Variants in HBP1 observed in about 807,000 individuals in gnomAD.
The protein encoded by HBP1 is HMG box-containing protein 1.
A neutral mutation model predicts 62.6 loss-of-function variants in HBP1; 20 were observed. The observed-to-expected ratio is 0.32, with a 90% CI of 0.22 to 0.46. The LOEUF (loss-of-function observed/expected upper bound fraction) is 0.46, where lower values mean the gene tolerates loss of function less well. HBP1 is among the 20% of genes least tolerant of loss of function. The pLI, the probability that HBP1 is intolerant of heterozygous loss-of-function variation, is 1.00. For synonymous variants in HBP1, 232 were observed against 206.2 expected, an observed-to-expected ratio of 1.12 and a Z score of -1.07; for missense variants, 480 against 611.8, an observed-to-expected ratio of 0.78 and a Z score of 2.27.
chr7:107,170,616 G>A (rs1395512737), intron 1 of HBP1, among the ~76,000 whole-genome samples: 1 of 152,082 alleles, frequency 6.6e-6, no homozygotes, highest in Non-Finnish European at 1.5e-5. Flanking sequence ...TTGAGGAGCC[G>A]TTTAACCACT....
chr7:107,194,821 T>C (rs1367096604), intron 8 of HBP1, among the ~76,000 whole-genome samples: 1 of 152,224 alleles, frequency 6.6e-6, no homozygotes, highest in African/African-American at 2.4e-5. Context: ...GAGTTAATGC[T>C]GGAACAAAAG....
chr7:107,180,159 G>T (rs1337412619), intron 2 of HBP1, 97 bp downstream of exon 2: 1 of 641,936 alleles, frequency 1.6e-6, no homozygotes, highest in Admixed American at 2.6e-5. Context: ...GGCTAGAAAG[G>T]GATATGAAGT....
chr7:107,174,482 G>A, intron 1 of HBP1: 2 of 985,390 alleles, frequency 2.0e-6, no homozygotes, highest in South Asian at 9.4e-5. Flanking sequence ...CTAAGACAAA[G>A]TGCTGAAGAA....
At chr7:107,185,388 T>G (rs1797304558) in intron 3 of HBP1, among the ~76,000 whole-genome samples, 1 of 152,140 alleles carries the variant, frequency 6.6e-6, no homozygotes, top group Admixed American at 6.5e-5. Context: ...CAGAGTTGGT[T>G]ACACTAAGCT....
chr7:107,180,672 C>CTGGGGAGAAGATACAGCTGTCT (rs2115847258), intron 2 of HBP1, among the ~76,000 whole-genome samples: 2 of 152,196 alleles, frequency 1.3e-5, no homozygotes, highest in South Asian at 4.2e-4. Context: ...TATAAAAACC[C>CTGGGGAGAAGATACAGCTGTCT]TGGGGAGAAG....
intron 1 of HBP1, among the ~76,000 whole-genome samples, chr7:107,171,073 A>ATATATATATATTTTTTTTTTT: frequency 2.3e-5 from 2 of 87,194 alleles, no homozygotes; most frequent in African/African-American, 1.3e-4. Context: ...ATATATATAT[A>ATATATATATATTTTTTTTTTT]TTTTTTTTTT....
At position 107,169,841 on chromosome 7, in the gene HBP1, G is replaced by C. The variant is rs147847983; in HGVS notation, c.-16+656G>C. The C allele has an allele frequency of 4.1e-6, 4 of 985,304 alleles. No individual in the cohort carries two copies. The African/African-American group carries it at 7.0e-5, about 17-fold the overall frequency. The allele number at this position is 985,304 out of a possible 1,614,324, so 61.0% of individuals were successfully genotyped here. ...AAGGGAGGGGAACGCGATGAATGGC[G>C]AAAGAGGGTGGGGGATGGACTTGGC... is the stretch of plus-strand genomic sequence containing the variant. On this transcript the variant is annotated intron_variant, in intron 1 of 10. Transcript: ENST00000222574.
intron 8 of HBP1, among the ~76,000 whole-genome samples, chr7:107,193,611 C>T (rs191180935): frequency 6.6e-5 from 10 of 152,246 alleles, no homozygotes; most frequent in African/African-American, 2.4e-4. Flanking sequence ...CTGGAATTTG[C>T]ACTCAGTTAA....
At chr7:107,177,860 T>A (rs980436633) in intron 1 of HBP1, among the ~76,000 whole-genome samples, 9 of 152,060 alleles carry the variant, frequency 5.9e-5, no homozygotes, top group African/African-American at 1.4e-4. Flanking sequence ...TCCAAAAAAA[T>A]TTTTTTTCCC....
intron 1 of HBP1, chr7:107,170,186 A>C (rs1796487257): frequency 3.2e-6 from 3 of 952,360 alleles, no homozygotes; most frequent in Non-Finnish European, 3.8e-6. Flanking sequence ...CACTGATGCC[A>C]GGACGAGAGG....
At chr7:107,190,058 C>G in intron 7 of HBP1, 115 bp from the exon 8 acceptor site, 1 of 718,994 alleles carries the variant, frequency 1.4e-6, no homozygotes, top group Admixed American at 2.7e-5. Flanking sequence ...GTTAGAGAAT[C>G]TCTTGAGACT....
chr7:107,169,971 A>G (rs768956887), intron 1 of HBP1: 2 of 985,420 alleles, frequency 2.0e-6, no homozygotes, highest in Admixed American at 6.1e-5. Flanking sequence ...GATTGAAACA[A>G]AACAAAACAA....
chr7:107,181,142 A>T (rs1341334251), intron 2 of HBP1, among the ~76,000 whole-genome samples: 1 of 152,182 alleles, frequency 6.6e-6, no homozygotes, highest in Non-Finnish European at 1.5e-5. Context: ...CCATGAAAGA[A>T]GTCAGTTTTT....
chr7:107,198,372 C>CTAA (rs1383770691), intron 9 of HBP1, among the ~76,000 whole-genome samples: 1 of 152,008 alleles, frequency 6.6e-6, no homozygotes, highest in Non-Finnish European at 1.5e-5. Flanking sequence ...CCACACCTGG[C>CTAA]TAATTTTTTG....
At position 107,201,587 on chromosome 7, in the gene HBP1, A is replaced by G; in HGVS notation, c.*156A>G. ...TTGAAATGATTTAATAATATGAGTG[A>G]GGATTTGCTTTCTCCATTAGAGCAT... On this transcript the variant is annotated 3_prime_UTR_variant, in exon 11 of 11. Transcript: ENST00000222574. 2.2e-6 allele frequency: 1 copy of G among 460,952 alleles called. No individual in the cohort carries two copies. The highest frequency in any genetic ancestry group is 4.0e-6 in the Non-Finnish European group (1 of 251,022). The allele number at this position is 460,952 out of a possible 1,614,324, so 28.6% of individuals were successfully genotyped here. A position where few individuals can be genotyped will look rare whatever the true frequency, so the allele number is the denominator to read the frequency against.
Position 107,181,831 on chromosome 7 carries a change from A to G in HBP1, c.170-542A>G, listed in dbSNP as rs570959254. ...GTGTGTGCATGAGTGGTAGCTGGGT[A>G]ATAGTTCCAGTCATCTTATGGGGAG... On this transcript the variant is annotated intron_variant, in intron 2 of 10. Transcript: ENST00000222574. 5.3e-5 allele frequency among the ~76,000 whole-genome samples: 8 copies of G among 152,090 alleles called. No individual in the cohort carries two copies. The South Asian group carries it at 1.7e-3, about 32-fold the overall frequency.
intron 9 of HBP1, among the ~76,000 whole-genome samples, chr7:107,198,983 T>C (rs1798064565): frequency 6.6e-6 from 1 of 152,216 alleles, no homozygotes; most frequent in Non-Finnish European, 1.5e-5. Flanking sequence ...TGAATATTTA[T>C]TGATTTGTTT....
chr7:107,178,060 A>C (rs1351741592), intron 1 of HBP1, among the ~76,000 whole-genome samples: 2 of 152,184 alleles, frequency 1.3e-5, no homozygotes, highest in East Asian at 1.9e-4. Flanking sequence ...ATCAGCCTGC[A>C]CTGGGTGCTT....
intron 8 of HBP1, 35 bp downstream of exon 8, chr7:107,190,352 C>G: frequency 6.7e-7 from 1 of 1,503,168 alleles, no homozygotes. Context: ...TTATTTTCCT[C>G]TTAAAGTTTG....
Sources: allele counts gnomAD v4.1 joint callset (sites outside exome capture counted in the v4.1 genomes callset), GRCh38; gene constraint gnomAD v4.1.1; transcripts MANE v1.5; gene names NCBI Gene and HGNC (gene_info 2026-07-23, HGNC 2026-07-21).